KCNJ12: variants seen among roughly 807,000 people sequenced by gnomAD.
KCNJ12 encodes potassium inwardly rectifying channel subfamily J member 12, also known as ATP-sensitive inward rectifier potassium channel 12.
In KCNJ12, 2 loss-of-function variants were observed where a neutral mutation model predicts 22.3. The observed-to-expected ratio is 0.09, with a 90% confidence interval of 0.04 to 0.28. The LOEUF is 0.28. Ranked by LOEUF, KCNJ12 falls within the 10% of genes least tolerant of loss-of-function variation. The probability of loss-of-function intolerance (pLI) is 1.00; values close to 1 mark genes in which losing one functional copy is unlikely to be tolerated. For missense variants in KCNJ12, 155 were observed against 633.3 expected, an observed-to-expected ratio of 0.24 and a Z score of 8.11; for synonymous variants, 117 against 261.4, an observed-to-expected ratio of 0.45 and a Z score of 5.33.
chr17:21,399,228 C>T (rs944227248), intron 1 of KCNJ12, among the ~76,000 whole-genome samples: 2 of 152,218 alleles, frequency 1.3e-5, no homozygotes, highest in Non-Finnish European at 2.9e-5. Flanking sequence ...GGATGCCTGG[C>T]CCCCAGATGC....
chr17:21,415,951 C>T lies in KCNJ12; in HGVS notation c.609C>T (p.Ala203=), dbSNP rs782161115. The change falls in exon 3 of 3, where the codon GCC becomes GCT. Residue 203 remains alanine (A), a synonymous_variant. Coordinates refer to ENST00000583088, the MANE Select transcript of KCNJ12 (RefSeq NM_021012.5). Reference sequence around the variant, plus strand: ...TGTTCAGCCACAACGCCGTGGTGGCCCTGCGTGACGGCAAGCTCTGCCTCA... The same window carrying T: ...TGTTCAGCCACAACGCCGTGGTGGCTCTGCGTGACGGCAAGCTCTGCCTCA... ...TLLFSHNAVV[A]LRDGKLCLMW... is the part of the protein sequence containing the mutation. The T allele has an allele frequency of 3.0e-5, 48 of 1,609,814 alleles. No individual in the cohort carries two copies. In the Middle Eastern group the frequency reaches 4.9e-4, roughly 17 times the overall value.
At chr17:21,393,838 C>T (rs546660736) in intron 1 of KCNJ12, among the ~76,000 whole-genome samples, 1 of 152,364 alleles carries the variant, frequency 6.6e-6, no homozygotes, top group South Asian at 2.1e-4. Flanking sequence ...AAACACCTGG[C>T]CAGTGGCCTG....
In KCNJ12 at chr17:21,416,738, G is replaced by T; in HGVS notation, c.*94G>T. 6.9e-7 allele frequency: 1 copy of T among 1,453,854 alleles called. No individual in the cohort carries two copies. Among genetic ancestry groups the T allele is most frequent in the Non-Finnish European group, 9.1e-7 (1 of 1,099,414 alleles). The allele number at this position is 1,453,854 out of a possible 1,614,324, so 90.1% of individuals were successfully genotyped here. A position where few individuals can be genotyped will look rare whatever the true frequency, so the allele number is the denominator to read the frequency against. ...CGGGTTTGAGCAGAACGGGCCCAGTGCCCTGGGTTGCAGACTCAGTAGCGT... is the reference window on the plus strand; with the variant it reads ...CGGGTTTGAGCAGAACGGGCCCAGTTCCCTGGGTTGCAGACTCAGTAGCGT... On this transcript the variant is annotated 3_prime_UTR_variant, in exon 3 of 3. Transcript: ENST00000583088.
chr17:21,387,514 G>T (rs1267132263), intron 1 of KCNJ12, among the ~76,000 whole-genome samples: 4 of 152,030 alleles, frequency 2.6e-5, no homozygotes, highest in Non-Finnish European at 4.4e-5. Context: ...CGAGCGCTGG[G>T]GTGAGGTGTT....
At chr17:21,382,458 G>A (rs757207583) in intron 1 of KCNJ12, among the ~76,000 whole-genome samples, 4 of 152,030 alleles carry the variant, frequency 2.6e-5, no homozygotes, top group Non-Finnish European at 5.9e-5. Context: ...CGGTCATTGA[G>A]TTTCATGTCA....
At chr17:21,380,052 C>A (rs185642248) in intron 1 of KCNJ12, among the ~76,000 whole-genome samples, 2 of 152,160 alleles carry the variant, frequency 1.3e-5, no homozygotes, top group Non-Finnish European at 2.9e-5. Context: ...ACTGCACCTT[C>A]CCCCATTCCA....
At chr17:21,395,529 C>T (rs782034663) in intron 1 of KCNJ12, among the ~76,000 whole-genome samples, 8 of 115,930 alleles carry the variant, frequency 6.9e-5, no homozygotes, top group African/African-American at 1.0e-4. Flanking sequence ...TGCAGTGAGC[C>T]GAGATCGCAC....
chr17:21,412,201 T>C (rs1906394190), intron 2 of KCNJ12, among the ~76,000 whole-genome samples: 1 of 152,280 alleles, frequency 6.6e-6, no homozygotes. Flanking sequence ...ACCTTGTTGA[T>C]GCTCTCTGTG....
chr17:21,383,955 G>C (rs782057704), intron 1 of KCNJ12, among the ~76,000 whole-genome samples: 3 of 152,134 alleles, frequency 2.0e-5, no homozygotes, highest in Non-Finnish European at 4.4e-5. Context: ...TCACAGTAAA[G>C]TGATAAACAG....
At chr17:21,407,973 T>A (rs1906073287) in intron 1 of KCNJ12, among the ~76,000 whole-genome samples, 1 of 123,328 alleles carries the variant, frequency 8.1e-6, no homozygotes, top group South Asian at 2.6e-4. Flanking sequence ...CCTGCATTCA[T>A]TTATCCACCC....
chr17:21,407,996 T>C (rs1468991052), intron 1 of KCNJ12, among the ~76,000 whole-genome samples: 1 of 151,040 alleles, frequency 6.6e-6, no homozygotes, highest in African/African-American at 2.4e-5. Flanking sequence ...CCATCCATCA[T>C]CCATCCATCC....
At position 21,415,417 on chromosome 17, in the gene KCNJ12, G is replaced by T; in HGVS notation, c.75G>T (p.Met25Ile). 1 of 1,613,840 alleles carries T rather than the reference G, an allele frequency of 6.2e-7. No individual in the cohort carries two copies. Among genetic ancestry groups the T allele is most frequent in the Non-Finnish European group, 8.5e-7 (1 of 1,180,048 alleles). ...AGGACGGGCTGCACCTGGTCACCAT[G>T]TCGGGCGCCAACGGCTTCGGCAACG... ...SEEDGLHLVTMSGANGFGNGK... is the reference protein window; with the variant it reads ...SEEDGLHLVTISGANGFGNGK... The change falls in exon 3 of 3, where the codon ATG (methionine) becomes ATT (isoleucine). Residue 25 changes from methionine to isoleucine, a missense_variant. Met to Ile is a conservative substitution (Grantham distance 10, BLOSUM62 1). Transcript: ENST00000583088.
At chr17:21,410,942 T>C (rs1190197239) in intron 2 of KCNJ12, among the ~76,000 whole-genome samples, 1 of 152,310 alleles carries the variant, frequency 6.6e-6, no homozygotes, top group Non-Finnish European at 1.5e-5. Context: ...TGATAGATAC[T>C]GAGTGCTGTG....
intron 1 of KCNJ12, among the ~76,000 whole-genome samples, chr17:21,398,422 G>T (rs1386231401): frequency 6.6e-6 from 1 of 152,164 alleles, no homozygotes; most frequent in Non-Finnish European, 1.5e-5. Flanking sequence ...GGCAGCCCCC[G>T]TGGCCAGCAG....
intron 1 of KCNJ12, among the ~76,000 whole-genome samples, chr17:21,383,825 G>C (rs1904972596): frequency 6.6e-6 from 1 of 152,200 alleles, no homozygotes. Context: ...CCCCTGCCCT[G>C]GGGGGCTGAC....
intron 1 of KCNJ12, among the ~76,000 whole-genome samples, chr17:21,407,673 AC>A (rs1275573543): frequency 1.3e-5 from 2 of 150,552 alleles, no homozygotes; most frequent in Non-Finnish European, 2.9e-5. Context: ...CCACCCATCT[AC>A]CCTTCTGTTC....
intron 1 of KCNJ12, among the ~76,000 whole-genome samples, chr17:21,407,190 A>G: frequency 6.6e-6 from 1 of 152,246 alleles, no homozygotes; most frequent in African/African-American, 2.4e-5. Context: ...CCATCTATCC[A>G]TCTACCCACC....
chr17:21,384,927 C>A (rs149293857), intron 1 of KCNJ12, among the ~76,000 whole-genome samples: 1 of 151,996 alleles, frequency 6.6e-6, no homozygotes, highest in Non-Finnish European at 1.5e-5. Context: ...CACCCACCAC[C>A]GCGCCCGGCT....
At chr17:21,407,830 T>C (rs1340837710) in intron 1 of KCNJ12, among the ~76,000 whole-genome samples, 1 of 143,824 alleles carries the variant, frequency 7.0e-6, no homozygotes, top group African/African-American at 2.6e-5. Context: ...CATCCACTCA[T>C]CCATCCTTCC....
Sources: allele counts gnomAD v4.1 joint callset (sites outside exome capture counted in the v4.1 genomes callset), GRCh38; gene constraint gnomAD v4.1.1; transcripts MANE v1.5; gene names NCBI Gene and HGNC (gene_info 2026-07-23, HGNC 2026-07-21).